RNF180: variants seen among roughly 807,000 people sequenced by gnomAD.
RNF180 encodes E3 ubiquitin-protein ligase RNF180.
RNF180 carries 38 observed loss-of-function variants against 59.2 expected under a neutral mutation model. The observed-to-expected ratio is 0.64, with a 90% CI of 0.50 to 0.84. The LOEUF (loss-of-function observed/expected upper bound fraction) is 0.84, where lower values mean the gene tolerates loss of function less well. RNF180 is among the 40% of genes least tolerant of loss of function. The pLI, the probability that RNF180 is intolerant of heterozygous loss-of-function variation, is 0.00. For synonymous variants in RNF180, 262 were observed against 240.3 expected (o/e 1.09, Z -0.84); for missense variants, 705 against 700.9 (o/e 1.01, Z -0.07).
intron 7 of RNF180, among the ~76,000 whole-genome samples, chr5:64,348,473 A>G (rs1745642739): frequency 1.3e-5 from 2 of 152,096 alleles, no homozygotes; most frequent in African/African-American, 2.4e-5. Flanking sequence ...GATTATACAA[A>G]CAACTGGTGG....
At position 64,371,078 on chromosome 5, in the gene RNF180, A is replaced by G. The variant is rs1746644014; in HGVS notation, c.*1264A>G. 2 of 151,730 alleles carry G rather than the reference A, an allele frequency of 1.3e-5. No individual in the cohort carries two copies. Among genetic ancestry groups the G allele is most frequent in the South Asian group, 2.1e-4 (1 of 4,826 alleles). 9.4% of individuals were successfully genotyped at this position (151,730 alleles called of 1,614,324 possible). On this transcript the variant is annotated 3_prime_UTR_variant, in exon 8 of 8. Coordinates refer to ENST00000389100, the MANE Select transcript of RNF180 (RefSeq NM_001113561.2). ...GCTAATTGCTACTAACTGTATTTCA[A>G]TAAAAGCACTTGACTGTTGGTATGT... is the stretch of plus-strand genomic sequence containing the variant.
intron 5 of RNF180, among the ~76,000 whole-genome samples, chr5:64,324,330 A>G (rs1291051686): frequency 3.3e-5 from 5 of 152,232 alleles, no homozygotes; most frequent in East Asian, 1.9e-4. Flanking sequence ...ACTCACCCCA[A>G]CTGGGACCAT....
intron 1 of RNF180, among the ~76,000 whole-genome samples, chr5:64,170,721 C>G (rs1413476910): frequency 6.6e-6 from 1 of 152,130 alleles, no homozygotes; most frequent in Non-Finnish European, 1.5e-5. Context: ...AGGTCTGTGG[C>G]TTAAGAAGAG....
At chr5:64,209,416 TAAG>T (rs772756415) in intron 2 of RNF180, among the ~76,000 whole-genome samples, 28 of 152,058 alleles carry the variant, frequency 1.8e-4, no homozygotes, top group East Asian at 5.8e-4. Context: ...CATAGTAAAA[TAAG>T]AAGTAGGACA....
chr5:64,245,124 G>A (rs530750564), intron 5 of RNF180, among the ~76,000 whole-genome samples: 18 of 152,200 alleles, frequency 1.2e-4, no homozygotes, highest in Middle Eastern at 3.4e-3. Context: ...GGTACCAGCC[G>A]CTGCAAAAAC....
intron 5 of RNF180, among the ~76,000 whole-genome samples, chr5:64,224,647 G>C (rs1260074564): frequency 2.0e-5 from 3 of 152,166 alleles, no homozygotes; most frequent in African/African-American, 7.2e-5. Context: ...TCTGAGAAAA[G>C]AGCACTGACG....
intron 2 of RNF180, among the ~76,000 whole-genome samples, chr5:64,202,070 T>C (rs1751783085): frequency 6.6e-6 from 1 of 152,210 alleles, no homozygotes. Flanking sequence ...AGTACAAAAA[T>C]TAAATGTACA....
intron 5 of RNF180, among the ~76,000 whole-genome samples, chr5:64,220,861 C>G (rs531938678): frequency 3.3e-5 from 5 of 151,930 alleles, no homozygotes; most frequent in Non-Finnish European, 5.9e-5. Flanking sequence ...ACTGAGTCAT[C>G]TACAGTAATT....
intron 7 of RNF180, among the ~76,000 whole-genome samples, chr5:64,333,863 G>T (rs1381819155): frequency 6.6e-6 from 1 of 152,198 alleles, no homozygotes; most frequent in African/African-American, 2.4e-5. Flanking sequence ...TCTATCAGGA[G>T]CTCAGCTGAG....
At chr5:64,326,162 G>A (rs527956170) in intron 6 of RNF180, among the ~76,000 whole-genome samples, 1 of 152,040 alleles carries the variant, frequency 6.6e-6, no homozygotes, top group East Asian at 1.9e-4. Context: ...AATATATGGT[G>A]CGTCTTTCTT....
intron 1 of RNF180, among the ~76,000 whole-genome samples, chr5:64,181,653 T>C (rs1463348207): frequency 6.6e-6 from 1 of 152,152 alleles, no homozygotes; most frequent in Admixed American, 6.5e-5. Context: ...TCATGGGTAG[T>C]TTCCCTCAGC....
intron 5 of RNF180, among the ~76,000 whole-genome samples, chr5:64,273,631 T>G (rs1741554869): frequency 6.6e-6 from 1 of 151,936 alleles, no homozygotes. Context: ...ATCTGTTGGC[T>G]CTAGTAACAG....
intron 5 of RNF180, among the ~76,000 whole-genome samples, chr5:64,319,174 TAAAAA>T (rs67593090): frequency 1.3e-4 from 18 of 134,456 alleles, no homozygotes; most frequent in Non-Finnish European, 2.7e-4. Context: ...AACTGTTGTT[TAAAAA>T]AAAAAAAAAA....
intron 5 of RNF180, among the ~76,000 whole-genome samples, chr5:64,218,032 T>A (rs1486905495): frequency 6.6e-6 from 1 of 152,202 alleles, no homozygotes; most frequent in African/African-American, 2.4e-5. Flanking sequence ...GTGTTTCATT[T>A]GATATGTGAT....
chr5:64,353,243 A>C (rs1211579542), intron 7 of RNF180, among the ~76,000 whole-genome samples: 1 of 151,812 alleles, frequency 6.6e-6, no homozygotes, highest in Non-Finnish European at 1.5e-5. Context: ...TATTACAGAA[A>C]AACTAAGTTT....
intron 7 of RNF180, among the ~76,000 whole-genome samples, chr5:64,332,959 A>C (rs1216792034): frequency 6.6e-6 from 1 of 152,200 alleles, no homozygotes; most frequent in Non-Finnish European, 1.5e-5. Flanking sequence ...AGGAGATAGA[A>C]GCAGAGCCCC....
At chr5:64,351,741 C>T in intron 7 of RNF180, among the ~76,000 whole-genome samples, 1 of 151,582 alleles carries the variant, frequency 6.6e-6, no homozygotes, top group East Asian at 1.9e-4. Context: ...GCCTTGCATC[C>T]CAGGGATGAA....
At chr5:64,286,674 T>C (rs868722115) in intron 5 of RNF180, among the ~76,000 whole-genome samples, 2 of 152,246 alleles carry the variant, frequency 1.3e-5, no homozygotes, top group Non-Finnish European at 2.9e-5. Flanking sequence ...TTCTAGAGGC[T>C]TAAAATGAAT....
At chr5:64,181,903 A>C (rs1482710986) in intron 1 of RNF180, among the ~76,000 whole-genome samples, 1 of 151,950 alleles carries the variant, frequency 6.6e-6, no homozygotes, top group Non-Finnish European at 1.5e-5. Context: ...TGAAATATTT[A>C]ACCCCTTAAT....
Sources: allele counts gnomAD v4.1 joint callset (sites outside exome capture counted in the v4.1 genomes callset), GRCh38; gene constraint gnomAD v4.1.1; transcripts MANE v1.5; gene names NCBI Gene and HGNC (gene_info 2026-07-23, HGNC 2026-07-21).